The following SNAP91 variants were observed in gnomAD, a reference collection of about 807,000 sequenced individuals.
SNAP91 encodes the protein clathrin coat assembly protein AP180.
In SNAP91, 27 loss-of-function variants were observed where a neutral mutation model predicts 100.3. That is an observed-to-expected ratio of 0.27 (90% CI 0.20 to 0.37). The LOEUF (loss-of-function observed/expected upper bound fraction) is 0.37. Ranked by LOEUF, SNAP91 falls within the 10% of genes least tolerant of loss-of-function variation. The probability of loss-of-function intolerance (pLI) is 1.00; values close to 1 mark genes in which losing one functional copy is unlikely to be tolerated. For synonymous variants in SNAP91, 404 were observed against 398.6 expected (o/e 1.01, Z -0.16); for missense variants, 986 against 1,123.7 (o/e 0.88, Z 1.75).
At chr6:83,657,829 T>C (rs988355731) in intron 6 of SNAP91, among the ~76,000 whole-genome samples, 2 of 151,668 alleles carry the variant, frequency 1.3e-5, no homozygotes, top group African/African-American at 4.8e-5. Context: ...TGCAGTGGCA[T>C]GATCTCAGCT....
intron 7 of SNAP91, 71 bp from the exon 8 acceptor site, chr6:83,641,273 G>T: frequency 1.5e-6 from 1 of 650,362 alleles, no homozygotes; most frequent in South Asian, 2.5e-5. Context: ...CTTATGTTAA[G>T]ATTACTACTC....
chr6:83,694,360 T>G (rs1562706891), intron 2 of SNAP91, among the ~76,000 whole-genome samples: 1 of 152,210 alleles, frequency 6.6e-6, no homozygotes, highest in Non-Finnish European at 1.5e-5. Context: ...AGTGGAGGAC[T>G]CTGAAGCTCT....
chr6:83,578,097 C>G (rs541310014), intron 24 of SNAP91, among the ~76,000 whole-genome samples: 1 of 152,152 alleles, frequency 6.6e-6, no homozygotes, highest in East Asian at 1.9e-4. Flanking sequence ...GTAGATATAT[C>G]ATTTTTTTTT....
At chr6:83,556,105 T>G in intron 29 of SNAP91, 38 bp downstream of exon 29, 1 of 1,165,292 alleles carries the variant, frequency 8.6e-7, no homozygotes. Context: ...GTATAGCTCA[T>G]TATTACAAGC....
In SNAP91 at chr6:83,601,515, T is replaced by C. The variant is rs2095221385; in HGVS notation, c.1156+70A>G. On this transcript the variant is annotated intron_variant, in intron 15 of 29. Transcript: ENST00000369694. Reference sequence around the variant, plus strand: ...AAAAGATATACCAGACTCCAAATGATCAAAATAAGGACAGTTGTTACATAC... The same window carrying C: ...AAAAGATATACCAGACTCCAAATGACCAAAATAAGGACAGTTGTTACATAC... 1.2e-5 allele frequency: 20 copies of C among 1,610,626 alleles called. 1 individual carries two copies.
chr6:83,676,896 T>A (rs2098915203), intron 2 of SNAP91, among the ~76,000 whole-genome samples: 1 of 152,012 alleles, frequency 6.6e-6, no homozygotes, highest in Admixed American at 6.6e-5. Context: ...AAACAAAAGG[T>A]AGGATTCTGG....
At chr6:83,580,704 A>G (rs1826976006) in intron 23 of SNAP91, 105 bp from the exon 24 acceptor site, 2 of 1,093,878 alleles carry the variant, frequency 1.8e-6, no homozygotes, top group South Asian at 1.9e-5. Context: ...AAGTGAATAT[A>G]AAATCTTATA....
chr6:83,697,863 CCTG>C (rs2099240253), intron 2 of SNAP91, among the ~76,000 whole-genome samples: 1 of 151,956 alleles, frequency 6.6e-6, no homozygotes, highest in African/African-American at 2.4e-5. Flanking sequence ...TTTACCAAAA[CCTG>C]CTATCATGCT....
At chr6:83,694,524 T>G (rs1013869277) in intron 2 of SNAP91, among the ~76,000 whole-genome samples, 6 of 152,152 alleles carry the variant, frequency 3.9e-5, no homozygotes, top group African/African-American at 1.4e-4. Flanking sequence ...TATACATGGG[T>G]CAACCATGAC....
intron 7 of SNAP91, among the ~76,000 whole-genome samples, chr6:83,641,829 T>C (rs1337125786): frequency 1.3e-5 from 2 of 152,228 alleles, no homozygotes; most frequent in Non-Finnish European, 2.9e-5. Flanking sequence ...TCTCAACCTT[T>C]AGCTTTCTAG....
intron 24 of SNAP91, 149 bp downstream of exon 24, chr6:83,580,301 C>A: frequency 2.6e-6 from 2 of 758,798 alleles, no homozygotes; most frequent in Admixed American, 6.2e-5. Context: ...GGGTAAAGCA[C>A]TAAGTATTTC....
At chr6:83,624,430 C>G (rs774776428) in intron 8 of SNAP91, among the ~76,000 whole-genome samples, 2 of 152,056 alleles carry the variant, frequency 1.3e-5, no homozygotes, top group African/African-American at 4.8e-5. Context: ...TTTGATTATA[C>G]TGATGGAAAT....
chr6:83,688,355 T>A (rs11753966), intron 2 of SNAP91, among the ~76,000 whole-genome samples: 26,619 of 152,180 alleles, frequency 0.17, 2,974 homozygotes, highest in South Asian at 0.28. Flanking sequence ...CACTGCTTAA[T>A]AAAATAAAAC....
At chr6:83,691,656 C>T (rs1269591634) in intron 2 of SNAP91, among the ~76,000 whole-genome samples, 2 of 152,116 alleles carry the variant, frequency 1.3e-5, no homozygotes, top group Non-Finnish European at 2.9e-5. Flanking sequence ...ATGCTGACCA[C>T]GAAGAACCCA....
chr6:83,666,083 G>A (rs547342417), intron 2 of SNAP91, among the ~76,000 whole-genome samples: 7 of 152,082 alleles, frequency 4.6e-5, no homozygotes, highest in African/African-American at 1.7e-4. Context: ...GGCAGGATGA[G>A]GTCAAATATT....
At chr6:83,616,600 A>G (rs972866009) in intron 10 of SNAP91, among the ~76,000 whole-genome samples, 4 of 152,134 alleles carry the variant, frequency 2.6e-5, no homozygotes, top group African/African-American at 9.7e-5. Context: ...ACGATAATAG[A>G]GTGCTCAAGG....
In SNAP91 at chr6:83,647,009, A is replaced by G. The variant is rs182007674; in HGVS notation, c.659-5807T>C. Among the ~76,000 whole-genome samples, 4 of 151,696 alleles carry G rather than the reference A, an allele frequency of 2.6e-5. No individual in the cohort carries two copies. In the East Asian group the frequency reaches 7.7e-4, roughly 29 times the overall value. On this transcript the variant is annotated intron_variant, in intron 7 of 29. Transcript: ENST00000369694. ...CTTGTTCATTGCTAGTATATCAGAA[A>G]GCCACTGACTTTTGTACATTAACCA...
chr6:83,658,119 T>C (rs2098452140), intron 6 of SNAP91, among the ~76,000 whole-genome samples: 1 of 152,022 alleles, frequency 6.6e-6, no homozygotes. Flanking sequence ...TTAAGATAAC[T>C]CTAAATTTAC....
At chr6:83,583,421 G>A (rs1163846724) in intron 22 of SNAP91, among the ~76,000 whole-genome samples, 1 of 152,158 alleles carries the variant, frequency 6.6e-6, no homozygotes, top group African/African-American at 2.4e-5. Flanking sequence ...AATATAAAAG[G>A]TGAGGACAAA....
Sources: allele counts gnomAD v4.1 joint callset (sites outside exome capture counted in the v4.1 genomes callset), GRCh38; gene constraint gnomAD v4.1.1; transcripts MANE v1.5; gene names NCBI Gene and HGNC (gene_info 2026-07-23, HGNC 2026-07-21).